SIPA1L3: variants seen among roughly 807,000 people sequenced by gnomAD.
SIPA1L3 encodes the protein signal-induced proliferation-associated 1-like protein 3.
SIPA1L3 carries 59 observed loss-of-function variants against 150.1 expected under a neutral mutation model. The ratio of observed to expected loss-of-function variants is 0.39; its 90% CI spans 0.32 to 0.49. SIPA1L3 has a LOEUF of 0.49. Among genes scored for constraint, SIPA1L3 ranks in the 20% least tolerant of loss-of-function variants. The probability of loss-of-function intolerance (pLI) is 0.86; values close to 1 mark genes in which losing one functional copy is unlikely to be tolerated. For missense variants in SIPA1L3, 2,211 were observed against 2,489.5 expected, an observed-to-expected ratio of 0.89 and a Z score of 2.38; for synonymous variants, 1,070 against 1,077.6, an observed-to-expected ratio of 0.99 and a Z score of 0.14.
At chr19:37,910,377 T>C (rs191447802) in intron 1 of SIPA1L3, among the ~76,000 whole-genome samples, 1 of 152,112 alleles carries the variant, frequency 6.6e-6, no homozygotes, top group East Asian at 1.9e-4. Flanking sequence ...GAGAGCAGCC[T>C]GGGCAACATG....
rs1568518970 is a variant in SIPA1L3, at chr19:38,046,885, C to G, written c.-311+17729C>G. Among the ~76,000 whole-genome samples, 2 of 152,188 alleles carry G rather than the reference C, an allele frequency of 1.3e-5. No individual in the cohort carries two copies. Among genetic ancestry groups the G allele is most frequent in the Non-Finnish European group, 2.9e-5 (2 of 68,028 alleles). On this transcript the variant is annotated intron_variant, in intron 2 of 21. Transcript: ENST00000222345. The surrounding 1 kb of genome is among the most constrained non-coding windows in gnomAD (Gnocchi z 5.6). Reference sequence around the variant, plus strand: ...TCTCTTTGAGAGCACTTGGGTGTATCGTGTCTCAGAAAACCCACATGGCTT... The same window carrying G: ...TCTCTTTGAGAGCACTTGGGTGTATGGTGTCTCAGAAAACCCACATGGCTT...
At chr19:38,202,587 C>CA (rs1008309472) in intron 20 of SIPA1L3, among the ~76,000 whole-genome samples, 7 of 151,382 alleles carry the variant, frequency 4.6e-5, no homozygotes, top group African/African-American at 1.2e-4. Context: ...GACTCCATCT[C>CA]AAAAAAAAGA....
chr19:38,080,071 G>A (rs1969941595), intron 2 of SIPA1L3, among the ~76,000 whole-genome samples: 1 of 152,216 alleles, frequency 6.6e-6, no homozygotes, highest in African/African-American at 2.4e-5. Flanking sequence ...TTTTAATGCA[G>A]TAAGTAGTCA....
intron 1 of SIPA1L3, among the ~76,000 whole-genome samples, chr19:38,004,342 G>C (rs1967883452): frequency 6.6e-6 from 1 of 152,188 alleles, no homozygotes; most frequent in Non-Finnish European, 1.5e-5. Flanking sequence ...CAGTTACTTG[G>C]TTGCAAGTAA....
intron 5 of SIPA1L3, among the ~76,000 whole-genome samples, 193 bp downstream of exon 5, chr19:38,100,343 C>G (rs1488393256): frequency 6.6e-6 from 1 of 152,122 alleles, no homozygotes; most frequent in African/African-American, 2.4e-5. Flanking sequence ...ACTGGGTCTC[C>G]TAAAGGAGGG....
intron 19 of SIPA1L3, chr19:38,199,925 G>A (rs1326707097): frequency 1.3e-5 from 2 of 152,108 alleles, no homozygotes; most frequent in African/African-American, 4.8e-5. Context: ...AAGACATCTA[G>A]AATTTGATTT....
intron 1 of SIPA1L3, among the ~76,000 whole-genome samples, chr19:37,999,627 G>A (rs1400314750): frequency 6.6e-6 from 1 of 152,234 alleles, no homozygotes; most frequent in African/African-American, 2.4e-5. Context: ...CCCAGGAACT[G>A]ACCCCTGGTT....
At chr19:37,971,423 AT>A (rs1272228317) in intron 1 of SIPA1L3, among the ~76,000 whole-genome samples, 1 of 152,012 alleles carries the variant, frequency 6.6e-6, no homozygotes, top group East Asian at 1.9e-4. Context: ...CTGCCCTGTG[AT>A]TTTCCCATCC....
chr19:37,977,206 C>T (rs2145606616), intron 1 of SIPA1L3, among the ~76,000 whole-genome samples: 1 of 152,022 alleles, frequency 6.6e-6, no homozygotes, highest in South Asian at 2.1e-4. Context: ...GCTCTGTCGC[C>T]CAGGCTGGAG....
intron 13 of SIPA1L3, among the ~76,000 whole-genome samples, chr19:38,160,031 AG>A (rs1972043335): frequency 6.6e-6 from 1 of 152,002 alleles, no homozygotes; most frequent in South Asian, 2.1e-4. Context: ...TATTTTTTTG[AG>A]ACGGAGTATT....
rs1971571797 is a variant in SIPA1L3, at chr19:38,141,177, T to A, written c.3144-7T>A. 6.4e-7 allele frequency: 1 copy of A among 1,559,886 alleles called. No individual in the cohort carries two copies. The highest frequency in any genetic ancestry group is 2.3e-5 in the East Asian group (1 of 43,526). ...GCCTTTCTGAGTAATGCAGTTTTTC[T>A]CCCCAGGGGTTGGCCGGAGACCTAC... On this transcript the variant is annotated splice_polypyrimidine_tract_variant and splice_region_variant and intron_variant, in intron 10 of 21. Transcript: ENST00000222345.
Position 38,046,501 on chromosome 19 carries a change from C to T in SIPA1L3, c.-311+17345C>T, listed in dbSNP as rs1311549178. Among the ~76,000 whole-genome samples the T allele has an allele frequency of 6.6e-6, 1 of 152,182 alleles. No individual in the cohort carries two copies. The highest frequency in any genetic ancestry group is 2.4e-5 in the African/African-American group (1 of 41,446). ...TCGGTTCCCTGTTCTGGGCCCTGCC[C>T]TGGAAAGAGGCAGGGTGGCCGGGGA... On this transcript the variant is annotated intron_variant, in intron 2 of 21. Transcript: ENST00000222345. This position sits in a 1 kb window ranked among gnomAD's most constrained non-coding sequence, Gnocchi z 5.6.
intron 13 of SIPA1L3, among the ~76,000 whole-genome samples, chr19:38,156,880 A>AG (rs1303002227): frequency 2.6e-5 from 4 of 152,254 alleles, no homozygotes; most frequent in African/African-American, 9.6e-5. Flanking sequence ...CTCAGAAAAA[A>AG]GGCCAGGGAC....
At chr19:38,003,417 C>T (rs1967860038) in intron 1 of SIPA1L3, among the ~76,000 whole-genome samples, 1 of 152,196 alleles carries the variant, frequency 6.6e-6, no homozygotes, top group Non-Finnish European at 1.5e-5. Context: ...TTTCTGGGTG[C>T]AAATGGAAAA....
At chr19:38,166,673 G>A (rs1259172726) in intron 15 of SIPA1L3, among the ~76,000 whole-genome samples, 2 of 152,172 alleles carry the variant, frequency 1.3e-5, no homozygotes, top group African/African-American at 2.4e-5. Flanking sequence ...GTGCTGTAGT[G>A]TCCAGTGCCA....
chr19:37,956,997 A>G (rs2046817139), intron 1 of SIPA1L3, among the ~76,000 whole-genome samples: 1 of 152,158 alleles, frequency 6.6e-6, no homozygotes, highest in African/African-American at 2.4e-5. Flanking sequence ...GCCTAAATTT[A>G]TCTTTTTGCG....
chr19:37,927,925 A>G (rs1348834600), intron 1 of SIPA1L3, among the ~76,000 whole-genome samples: 3 of 152,032 alleles, frequency 2.0e-5, no homozygotes, highest in African/African-American at 4.8e-5. Flanking sequence ...TATGTACCAC[A>G]TTATCTTTGT....
At chr19:37,999,779 G>A (rs535754484) in intron 1 of SIPA1L3, among the ~76,000 whole-genome samples, 2 of 152,346 alleles carry the variant, frequency 1.3e-5, no homozygotes, top group African/African-American at 2.4e-5. Context: ...GAAACAGGAT[G>A]AGTCTGGAGA....
chr19:38,170,768 G>A (rs1972310872), intron 15 of SIPA1L3, among the ~76,000 whole-genome samples: 1 of 152,150 alleles, frequency 6.6e-6, no homozygotes, highest in African/African-American at 2.4e-5. Flanking sequence ...AGAGCTGGAG[G>A]AGGTGTCTAA....
Sources: allele counts gnomAD v4.1 joint callset (sites outside exome capture counted in the v4.1 genomes callset), GRCh38; gene constraint gnomAD v4.1.1; non-coding constraint Gnocchi (gnomAD v3.1); transcripts MANE v1.5; gene names NCBI Gene and HGNC (gene_info 2026-07-23, HGNC 2026-07-21).